KYNU: variants seen among roughly 807,000 people sequenced by gnomAD.
The protein encoded by KYNU is kynureninase, also known as L-kynurenine hydrolase.
A neutral mutation model predicts 59.2 loss-of-function variants in KYNU; 54 were observed. The ratio of observed to expected loss-of-function variants is 0.91; its 90% CI spans 0.73 to 1.14. KYNU has a LOEUF of 1.14. Among genes scored for constraint, KYNU ranks in the 50% most tolerant of loss-of-function variants. The pLI is 0.00. For synonymous variants in KYNU, 177 were observed against 192.0 expected, an observed-to-expected ratio of 0.92 and a Z score of 0.65; for missense variants, 567 against 554.4, an observed-to-expected ratio of 1.02 and a Z score of -0.23.
At chr2:142,929,247 G>A (rs1298439924) in intron 4 of KYNU, among the ~76,000 whole-genome samples, 5 of 141,306 alleles carry the variant, frequency 3.5e-5, no homozygotes, top group African/African-American at 7.9e-5. Context: ...GAATGGAATA[G>A]AAAAAAAAAT....
At chr2:143,033,752 T>C (rs915879995) in intron 12 of KYNU, among the ~76,000 whole-genome samples, 2 of 152,220 alleles carry the variant, frequency 1.3e-5, no homozygotes, top group African/African-American at 4.8e-5. Flanking sequence ...TACTAGGGAC[T>C]GTACTTTTTC....
chr2:143,024,655 T>C (rs1464975363), intron 10 of KYNU, among the ~76,000 whole-genome samples: 2 of 152,048 alleles, frequency 1.3e-5, no homozygotes, highest in Non-Finnish European at 2.9e-5. Context: ...CTTTTTTGAG[T>C]GGAACTTCAG....
chr2:142,901,147 G>T (rs934458858), intron 2 of KYNU, among the ~76,000 whole-genome samples: 1 of 152,030 alleles, frequency 6.6e-6, no homozygotes, highest in Non-Finnish European at 1.5e-5. Flanking sequence ...CTGACTATCT[G>T]CTTGTTAGTT....
intron 10 of KYNU, among the ~76,000 whole-genome samples, 177 bp from the exon 11 acceptor site, chr2:143,029,450 G>A (rs1369465688): frequency 6.6e-6 from 1 of 152,158 alleles, no homozygotes; most frequent in East Asian, 1.9e-4. Flanking sequence ...GCCGGGCATG[G>A]TGGTGCATGC....
intron 2 of KYNU, among the ~76,000 whole-genome samples, chr2:142,891,397 G>A (rs1004405087): frequency 6.6e-6 from 1 of 151,816 alleles, no homozygotes; most frequent in African/African-American, 2.4e-5. Context: ...AAAAAAAAAC[G>A]GTGCTGCTTT....
At chr2:142,963,889 C>A (rs1326128501) in intron 8 of KYNU, among the ~76,000 whole-genome samples, 1 of 152,192 alleles carries the variant, frequency 6.6e-6, no homozygotes, top group African/African-American at 2.4e-5. Context: ...TTGCATTATA[C>A]TTACTGCTTG....
chr2:142,989,434 G>C, intron 10 of KYNU: 1 of 984,452 alleles, frequency 1.0e-6, no homozygotes, highest in Non-Finnish European at 1.2e-6. Flanking sequence ...TGGAACAAAT[G>C]TAACTGCTAT....
At chr2:142,888,523 C>A (rs1681592771) in intron 2 of KYNU, among the ~76,000 whole-genome samples, 1 of 152,082 alleles carries the variant, frequency 6.6e-6, no homozygotes, top group Non-Finnish European at 1.5e-5. Flanking sequence ...AAGTGTTCTT[C>A]TACATCAGTG....
chr2:142,917,793 GGT>G (rs1311519450), intron 2 of KYNU, among the ~76,000 whole-genome samples: 4 of 152,284 alleles, frequency 2.6e-5, no homozygotes, highest in African/African-American at 9.6e-5. Flanking sequence ...TGAAATAGAT[GGT>G]ATGTCTTTAA....
At chr2:142,928,784 G>A (rs551411148) in intron 4 of KYNU, among the ~76,000 whole-genome samples, 2 of 152,078 alleles carry the variant, frequency 1.3e-5, no homozygotes, top group South Asian at 4.2e-4. Context: ...GAGGTGGGTG[G>A]ATTGCTTGAG....
At position 143,051,325 on chromosome 2, in the gene KYNU, A is replaced by G. The variant is rs573180318; in HGVS notation, c.*9153A>G. On this transcript the variant is annotated 3_prime_UTR_variant, in exon 14 of 14. Transcript: ENST00000264170. ...ACTTGTTATTTATTTATCTAAGACTATACAGTTCTTTTCAGAGAAAAACCT... is the reference window on the plus strand; with the variant it reads ...ACTTGTTATTTATTTATCTAAGACTGTACAGTTCTTTTCAGAGAAAAACCT... 1.3e-5 allele frequency: 2 copies of G among 152,306 alleles called. 1 individual carries two copies. The highest frequency in any genetic ancestry group is 1.3e-4 in the Admixed American group (2 of 15,296). 9.4% of individuals were successfully genotyped at this position (152,306 alleles called of 1,614,324 possible). A position where few individuals can be genotyped will look rare whatever the true frequency, so the allele number is the denominator to read the frequency against.
At chr2:142,892,004 C>T (rs1453628220) in intron 2 of KYNU, among the ~76,000 whole-genome samples, 1 of 152,106 alleles carries the variant, frequency 6.6e-6, no homozygotes, top group Admixed American at 6.6e-5. Context: ...CCTCCACCCC[C>T]TGAACTCAAA....
intron 2 of KYNU, among the ~76,000 whole-genome samples, chr2:142,906,761 C>T (rs573879409): frequency 1.5e-4 from 23 of 152,194 alleles, no homozygotes; most frequent in Admixed American, 2.6e-4. Context: ...CAGGTAGGGG[C>T]GCACACATGG....
At chr2:142,918,877 C>G (rs910904849) in intron 3 of KYNU, 148 bp downstream of exon 3, 7 of 869,760 alleles carry the variant, frequency 8.0e-6, no homozygotes, top group African/African-American at 1.7e-5. Context: ...CCAGGGCCTC[C>G]CTATCATTCC....
intron 8 of KYNU, among the ~76,000 whole-genome samples, chr2:142,983,191 T>G (rs557134984): frequency 6.6e-6 from 1 of 151,546 alleles, no homozygotes; most frequent in South Asian, 2.1e-4. Context: ...GAGGAGCAGC[T>G]GATCCAGATT....
intron 2 of KYNU, among the ~76,000 whole-genome samples, chr2:142,910,519 A>G (rs1375859728): frequency 6.6e-6 from 1 of 151,986 alleles, no homozygotes; most frequent in African/African-American, 2.4e-5. Context: ...CCCATTCTGT[A>G]GGTTGTCTAT....
At chr2:142,919,501 C>T (rs1018058556) in intron 3 of KYNU, among the ~76,000 whole-genome samples, 8 of 152,134 alleles carry the variant, frequency 5.3e-5, no homozygotes, top group African/African-American at 1.7e-4. Flanking sequence ...GTTAGGAAAA[C>T]GTTTCAGAAA....
Position 142,883,957 on chromosome 2 carries a change from G to C in KYNU, c.-19-1392G>C, listed in dbSNP as rs570923825. ...TAAATGTATAAATTAAATGAAATCA[G>C]CAAAACTATATGTAAATCTAACTAG... On this transcript the variant is annotated intron_variant, in intron 1 of 13. Transcript: ENST00000264170. Among the ~76,000 whole-genome samples, 4 of 152,246 alleles carry C rather than the reference G, an allele frequency of 2.6e-5. No homozygotes were observed. The South Asian group carries it at 8.3e-4, about 32-fold the overall frequency.
At chr2:142,988,995 T>A (rs1685312024) in intron 10 of KYNU, 1 of 955,096 alleles carries the variant, frequency 1.0e-6, no homozygotes, top group Non-Finnish European at 1.7e-6. Flanking sequence ...GTTTTACTTT[T>A]TTATTCACCT....
Sources: allele counts gnomAD v4.1 joint callset (sites outside exome capture counted in the v4.1 genomes callset), GRCh38; gene constraint gnomAD v4.1.1; transcripts MANE v1.5; gene names NCBI Gene and HGNC (gene_info 2026-07-23, HGNC 2026-07-21).